MAK16: variants seen among roughly 807,000 people sequenced by gnomAD.
MAK16 encodes protein MAK16 homolog.
In MAK16, 12 loss-of-function variants were observed where a neutral mutation model predicts 49.9. That is an observed-to-expected ratio of 0.24 (90% CI 0.15 to 0.39). MAK16 has a LOEUF of 0.39. Ranked by LOEUF, MAK16 falls within the 10% of genes least tolerant of loss-of-function variation. MAK16 has a pLI of 1.00. For missense variants in MAK16, 292 were observed against 363.7 expected (o/e 0.80, Z 1.60); for synonymous variants, 115 against 126.4 (o/e 0.91, Z 0.60).
At chr8:33,494,094 C>T (rs1423601027) in intron 6 of MAK16, among the ~76,000 whole-genome samples, 1 of 152,146 alleles carries the variant, frequency 6.6e-6, no homozygotes, top group Non-Finnish European at 1.5e-5. Flanking sequence ...TCTTTAGGTT[C>T]TACAGCTTTT....
Position 33,498,956 on chromosome 8 carries a change from CT to C in MAK16, c.*333del. Reference sequence around the variant, plus strand: ...TTTAAATGCTACATTACTTGGTGTCCTTTTTTCTCCCAAACTTTATTTAGAA... The same window carrying C: ...TTTAAATGCTACATTACTTGGTGTCCTTTTTCTCCCAAACTTTATTTAGAA... On this transcript the variant is annotated 3_prime_UTR_variant, in exon 10 of 10. Coordinates refer to ENST00000360128, the MANE Select transcript of MAK16 (RefSeq NM_032509.4). 1.7e-6 allele frequency: 1 copy of C among 588,080 alleles called. No homozygotes were observed. 36.4% of individuals were successfully genotyped at this position (588,080 alleles called of 1,614,324 possible). A position where few individuals can be genotyped will look rare whatever the true frequency, so the allele number is the denominator to read the frequency against.
chr8:33,493,457 A>G (rs1205440656), intron 6 of MAK16, among the ~76,000 whole-genome samples: 1 of 152,214 alleles, frequency 6.6e-6, no homozygotes, highest in Non-Finnish European at 1.5e-5. Flanking sequence ...ATACATACAC[A>G]CTTCCACTAA....
intron 1 of MAK16, among the ~76,000 whole-genome samples, chr8:33,486,812 C>T (rs1333037336): frequency 6.6e-6 from 1 of 152,110 alleles, no homozygotes; most frequent in African/African-American, 2.4e-5. Flanking sequence ...ATTGAGAACT[C>T]CTTGTGGATA....
intron 7 of MAK16, 71 bp from the exon 8 acceptor site, chr8:33,496,554 T>A: frequency 1.7e-6 from 2 of 1,158,392 alleles, no homozygotes; most frequent in South Asian, 2.8e-5. Context: ...AGTAATATTC[T>A]CCACAGAAAG....
chr8:33,485,380 G>T, intron 1 of MAK16, 159 bp downstream of exon 1: 2 of 951,220 alleles, frequency 2.1e-6, no homozygotes, highest in Non-Finnish European at 3.3e-6. Context: ...GTTCTCACGC[G>T]TGTCTAGCAG....
At position 33,489,024 on chromosome 8, in the gene MAK16, C is replaced by A. The variant is rs1164960530; in HGVS notation, c.277C>A (p.Gln93Lys). 6.2e-7 allele frequency: 1 copy of A among 1,613,838 alleles called. No individual in the cohort carries two copies. The highest frequency in any genetic ancestry group is 8.5e-7 in the Non-Finnish European group (1 of 1,179,858). The change falls in exon 5 of 10, where the codon CAA (glutamine) becomes AAA (lysine). Residue 93 changes from glutamine to lysine, a missense_variant. Physicochemically the swap from Gln to Lys is moderately conservative, Grantham distance 53 (BLOSUM62 1). Transcript: ENST00000360128. This position sits in a 1 kb window ranked among gnomAD's most constrained non-coding sequence, Gnocchi z 4.2. ...LSKNYEKALE[Q>K]IDENLIYWPR... ...TAAAAACTATGAGAAAGCACTGGAG[C>A]AAATAGATGAAAATCTGATTTACTG...
chr8:33,499,013 C>G lies in MAK16; in HGVS notation c.*384C>G. The G allele has an allele frequency of 1.5e-6, 1 of 650,786 alleles. No homozygotes were observed. Among genetic ancestry groups the G allele is most frequent in the Non-Finnish European group, 2.6e-6 (1 of 378,678 alleles). 40.3% of individuals were successfully genotyped at this position (650,786 alleles called of 1,614,324 possible). ...AGGAGTTCAATTTTTTCTTGTTCTA[C>G]TTTCCCTATTCTTATGGAGGTAAAA... On this transcript the variant is annotated 3_prime_UTR_variant, in exon 10 of 10. Coordinates refer to ENST00000360128, the MANE Select transcript of MAK16 (RefSeq NM_032509.4).
chr8:33,489,176 C>G lies in MAK16; in HGVS notation c.392+37C>G. The G allele has an allele frequency of 1.3e-6, 2 of 1,561,206 alleles. No individual in the cohort carries two copies. The highest frequency in any genetic ancestry group is 1.7e-6 in the Non-Finnish European group (2 of 1,145,776). ...GATCATTCATTATTTTTAAATCTCT[C>G]TTTTTATGGAGCTTGTTTTGAAGTT... On this transcript the variant is annotated intron_variant, in intron 5 of 9. Coordinates refer to ENST00000360128, the MANE Select transcript of MAK16 (RefSeq NM_032509.4). This position sits in a 1 kb window ranked among gnomAD's most constrained non-coding sequence, Gnocchi z 4.2.
At chr8:33,488,326 T>C in intron 1 of MAK16, 52 bp from the exon 2 acceptor site, 4 of 1,560,254 alleles carry the variant, frequency 2.6e-6, no homozygotes, top group East Asian at 2.2e-5. Flanking sequence ...TGAATTAATA[T>C]AGTATCTCTT....
intron 6 of MAK16, among the ~76,000 whole-genome samples, chr8:33,491,600 T>A (rs1429568456): frequency 6.6e-6 from 1 of 151,888 alleles, no homozygotes; most frequent in Non-Finnish European, 1.5e-5. Context: ...TACTCAAATC[T>A]TTTGCCTCCC....
chr8:33,496,374 A>T (rs537104977), intron 7 of MAK16, among the ~76,000 whole-genome samples: 1 of 152,176 alleles, frequency 6.6e-6, no homozygotes, highest in Non-Finnish European at 1.5e-5. Flanking sequence ...TTTGTAGACT[A>T]TTACATTTTA....
Position 33,500,847 on chromosome 8 carries a change from A to G in MAK16, c.*2218A>G, listed in dbSNP as rs1486960589. The G allele has an allele frequency of 3.1e-5, 6 of 193,486 alleles. No homozygotes were observed. The South Asian group carries it at 4.9e-4, about 16-fold the overall frequency. 12.0% of individuals were successfully genotyped at this position (193,486 alleles called of 1,614,324 possible). A position where few individuals can be genotyped will look rare whatever the true frequency, so the allele number is the denominator to read the frequency against. On this transcript the variant is annotated 3_prime_UTR_variant, in exon 10 of 10. Transcript: ENST00000360128. ...ATTTTTCAACTCTATTAACTGAACT[A>G]TGCTTGGAGAGAGCCCTGAATCCTT... is the stretch of plus-strand genomic sequence containing the variant.
intron 6 of MAK16, among the ~76,000 whole-genome samples, chr8:33,491,405 C>T (rs1459510518): frequency 6.6e-6 from 1 of 152,156 alleles, no homozygotes; most frequent in African/African-American, 2.4e-5. Context: ...CACCAGTGCA[C>T]AAGGGTTCCC....
Position 33,498,679 on chromosome 8 carries a change from T to G in MAK16, c.*50T>G, listed in dbSNP as rs544587057. ...GGACTGAACATGCAGAACTGTTTTT[T>G]TTTTTTTTTTATCTTAAACACATAC... On this transcript the variant is annotated 3_prime_UTR_variant, in exon 10 of 10. Transcript: ENST00000360128. 4.5e-5 allele frequency: 69 copies of G among 1,526,308 alleles called. No individual in the cohort carries two copies. Among genetic ancestry groups the G allele is most frequent in the Middle Eastern group, 4.6e-4 (2 of 4,318 alleles). The allele number at this position is 1,526,308 out of a possible 1,614,324, so 94.5% of individuals were successfully genotyped here.
intron 1 of MAK16, among the ~76,000 whole-genome samples, chr8:33,485,785 A>G (rs905326784): frequency 6.6e-6 from 1 of 152,240 alleles, no homozygotes; most frequent in African/African-American, 2.4e-5. Context: ...TTAACCAGAA[A>G]AAATGTCCCA....
rs547884994 is a variant in MAK16, at chr8:33,501,155, C to G, written c.*2526C>G. On this transcript the variant is annotated 3_prime_UTR_variant, in exon 10 of 10. Transcript: ENST00000360128. ...GGAAAATTTATATGTATTTTTACCA[C>G]AATAAACAAAAAACCCTAAAAAAAC... 1 of 151,986 alleles carries G rather than the reference C, an allele frequency of 6.6e-6. No individual in the cohort carries two copies. Among genetic ancestry groups the G allele is most frequent in the South Asian group, 2.1e-4 (1 of 4,802 alleles). The allele number at this position is 151,986 out of a possible 1,614,324, so 9.4% of individuals were successfully genotyped here.
At chr8:33,486,578 AAGTGGCTTC>A (rs1808691554) in intron 1 of MAK16, among the ~76,000 whole-genome samples, 1 of 152,184 alleles carries the variant, frequency 6.6e-6, no homozygotes, top group African/African-American at 2.4e-5. Flanking sequence ...TTAAAAACGA[AAGTGGCTTC>A]GCCTAAGGTA....
At chr8:33,490,988 C>T in intron 6 of MAK16, among the ~76,000 whole-genome samples, 1 of 152,114 alleles carries the variant, frequency 6.6e-6, no homozygotes, top group East Asian at 1.9e-4. Context: ...TCCATGAGTT[C>T]AATTGTTTTG....
Position 33,497,269 on chromosome 8 carries a change from T to A in MAK16, c.677T>A (p.Val226Glu), listed in dbSNP as rs570481958. 1 of 1,608,908 alleles carries A rather than the reference T, an allele frequency of 6.2e-7. No homozygotes were observed. The highest frequency in any genetic ancestry group is 1.7e-5 in the Admixed American group (1 of 59,388). The stretch of plus-strand genomic sequence containing the variant: ...AGAGAATTTGTCGAAGATGGTGAGG[T>A]AGATGAGAGTGACATAAGTGATTTT... ...GKREFVEDGE[V>E]DESDISDFED... The change falls in exon 9 of 10, where the codon GTA becomes GAA. Residue 226 changes from valine (V) to glutamate (E), a missense_variant. Coordinates refer to ENST00000360128, the MANE Select transcript of MAK16 (RefSeq NM_032509.4).
Sources: allele counts gnomAD v4.1 joint callset (sites outside exome capture counted in the v4.1 genomes callset), GRCh38; gene constraint gnomAD v4.1.1; non-coding constraint Gnocchi (gnomAD v3.1); transcripts MANE v1.5; gene names NCBI Gene and HGNC (gene_info 2026-07-23, HGNC 2026-07-21).